Variants in B3GALT5 observed in about 807,000 individuals in gnomAD.
B3GALT5 encodes the protein beta-1,3-galactosyltransferase 5, also known as UDP-Gal:betaGlcNAc beta 1,3-galactosyltransferase, polypeptide 5.
For synonymous variants in B3GALT5, 156 were observed against 158.6 expected, an observed-to-expected ratio of 0.98 and a Z score of 0.12; for missense variants, 328 against 396.6, an observed-to-expected ratio of 0.83 and a Z score of 1.47.
At chr21:39,621,667 A>G (rs1054745261) in intron 1 of B3GALT5, among the ~76,000 whole-genome samples, 7 of 152,084 alleles carry the variant, frequency 4.6e-5, no homozygotes, top group Admixed American at 2.6e-4. Flanking sequence ...TTGCTGGAAA[A>G]TTATTTCAAA....
intron 1 of B3GALT5, among the ~76,000 whole-genome samples, chr21:39,639,399 T>C (rs1452340036): frequency 0.049 from 3,164 of 64,358 alleles, 74 homozygotes; most frequent in Admixed American, 0.069. Context: ...TCCTTCTTTC[T>C]TTTTCTTTCT....
At chr21:39,639,753 C>G (rs2079275269) in intron 1 of B3GALT5, among the ~76,000 whole-genome samples, 1 of 151,980 alleles carries the variant, frequency 6.6e-6, no homozygotes, top group Non-Finnish European at 1.5e-5. Context: ...GCTGGGATTA[C>G]AGGGGTGAAC....
intron 1 of B3GALT5, among the ~76,000 whole-genome samples, chr21:39,627,077 A>G (rs1267050998): frequency 6.6e-6 from 1 of 152,150 alleles, no homozygotes; most frequent in Non-Finnish European, 1.5e-5. Flanking sequence ...GCCAACTGCC[A>G]TGATCACCTT....
At chr21:39,643,342 T>C (rs926344276) in intron 1 of B3GALT5, among the ~76,000 whole-genome samples, 3 of 144,532 alleles carry the variant, frequency 2.1e-5, no homozygotes, top group Admixed American at 7.0e-5. Context: ...CACTTGGACC[T>C]GGGAGGTGGA....
intron 1 of B3GALT5, among the ~76,000 whole-genome samples, chr21:39,634,337 C>G (rs2079211759): frequency 6.6e-6 from 1 of 152,134 alleles, no homozygotes; most frequent in Non-Finnish European, 1.5e-5. Context: ...GCCCACTTGT[C>G]AGAACTGCTC....
At chr21:39,644,422 C>A (rs1371999734) in intron 1 of B3GALT5, among the ~76,000 whole-genome samples, 1 of 152,090 alleles carries the variant, frequency 6.6e-6, no homozygotes, top group Non-Finnish European at 1.5e-5. Context: ...ATTTAGGAAC[C>A]CAAATGGGAG....
chr21:39,616,564 G>T (rs566649448), intron 1 of B3GALT5, among the ~76,000 whole-genome samples: 32 of 151,892 alleles, frequency 2.1e-4, no homozygotes, highest in African/African-American at 7.7e-4. Flanking sequence ...ATGCATATTT[G>T]CTCTGCCATT....
intron 1 of B3GALT5, among the ~76,000 whole-genome samples, chr21:39,643,288 C>T (rs1164325683): frequency 6.8e-6 from 1 of 146,328 alleles, no homozygotes; most frequent in African/African-American, 2.5e-5. Flanking sequence ...CACAGTGGCT[C>T]ACGCCTGTAA....
intron 2 of B3GALT5, among the ~76,000 whole-genome samples, chr21:39,655,084 T>A (rs2079429635): frequency 6.6e-6 from 1 of 152,212 alleles, no homozygotes; most frequent in Non-Finnish European, 1.5e-5. Flanking sequence ...TCCCAAGATC[T>A]GCAGTCAGCA....
intron 1 of B3GALT5, among the ~76,000 whole-genome samples, chr21:39,631,016 C>T (rs141594817): frequency 1.7e-3 from 253 of 152,322 alleles, no homozygotes; most frequent in Admixed American, 4.2e-3. Context: ...TCTTGGGGCA[C>T]AGTGCCATCT....
chr21:39,639,460 CTTTCTCTCTCTCTCTCT>C (rs2079271179), intron 1 of B3GALT5, among the ~76,000 whole-genome samples: 1 of 109,450 alleles, frequency 9.1e-6, no homozygotes, highest in African/African-American at 3.8e-5. Flanking sequence ...TTCTTTTTTT[CTTTCTCTCTCTCTCTCT>C]CTTTCTTTCT....
chr21:39,643,190 G>A (rs1023066188), intron 1 of B3GALT5, among the ~76,000 whole-genome samples: 1 of 152,158 alleles, frequency 6.6e-6, no homozygotes, highest in Admixed American at 6.5e-5. Flanking sequence ...GGGCCTTGTG[G>A]AGATGCTGAC....
chr21:39,634,104 A>G (rs555019311), intron 1 of B3GALT5, among the ~76,000 whole-genome samples: 1 of 152,250 alleles, frequency 6.6e-6, no homozygotes, highest in Non-Finnish European at 1.5e-5. Context: ...ACCATTCCCC[A>G]TGCCTTCTAA....
rs79140251 is a variant in B3GALT5, at chr21:39,628,706, C to T, written c.-392+15639C>T. Reference sequence around the variant, plus strand: ...ATGAAATCACAAATGTCGTCCTGTACAGGGGACCTAATGGGACCATGTCGA... The same window carrying T: ...ATGAAATCACAAATGTCGTCCTGTATAGGGGACCTAATGGGACCATGTCGA... On this transcript the variant is annotated intron_variant, in intron 1 of 3. Transcript: ENST00000684187. Among the ~76,000 whole-genome samples, 14 of 152,316 alleles carry T rather than the reference C, an allele frequency of 9.2e-5. No individual in the cohort carries two copies. In the East Asian group the frequency reaches 2.5e-3, roughly 27 times the overall value.
intron 3 of B3GALT5, 22 bp from the exon 4 acceptor site, chr21:39,660,538 C>T (rs899467246): frequency 2.0e-5 from 28 of 1,409,710 alleles, no homozygotes; most frequent in Non-Finnish European, 2.4e-5. Context: ...GAGGTCTAAT[C>T]ATTGGATTTT....
chr21:39,651,989 A>T (rs1224190730), intron 2 of B3GALT5, among the ~76,000 whole-genome samples: 1 of 152,176 alleles, frequency 6.6e-6, no homozygotes, highest in Non-Finnish European at 1.5e-5. Flanking sequence ...AGGACCCATG[A>T]TGTAAGGATG....
In B3GALT5 at chr21:39,628,920, C is replaced by A. The variant is rs577919480; in HGVS notation, c.-392+15853C>A. On this transcript the variant is annotated intron_variant, in intron 1 of 3. Transcript: ENST00000684187. ...AGAAAATCAAGTCTTAAGAGGTTAA[C>A]TGTGCCCAGAGTCTTGTAACTAAAA... is the stretch of plus-strand genomic sequence containing the variant. Among the ~76,000 whole-genome samples, 8 of 152,350 alleles carry A rather than the reference C, an allele frequency of 5.3e-5. No homozygotes were observed. In the South Asian group the frequency reaches 1.0e-3, roughly 20 times the overall value.
rs73904082 is a variant in B3GALT5, at chr21:39,628,374, G to A, written c.-392+15307G>A. Among the ~76,000 whole-genome samples, 236 of 152,268 alleles carry A rather than the reference G, an allele frequency of 1.5e-3. 1 individual carries two copies. Among genetic ancestry groups the A allele is most frequent in the Middle Eastern group, 6.8e-3 (2 of 294 alleles). On this transcript the variant is annotated intron_variant, in intron 1 of 3. Transcript: ENST00000684187. ...ATCCATCACCCGAGTAACGTGTATTGTACCCGTTAAGTAATTTCTCATCCA... is the reference window on the plus strand; with the variant it reads ...ATCCATCACCCGAGTAACGTGTATTATACCCGTTAAGTAATTTCTCATCCA...
rs2079551310 is a variant in B3GALT5, at chr21:39,663,710, C to G, written c.*2218C>G. On this transcript the variant is annotated 3_prime_UTR_variant, in exon 4 of 4. Coordinates refer to ENST00000684187, the MANE Select transcript of B3GALT5 (RefSeq NM_001356336.2). The stretch of plus-strand genomic sequence containing the variant: ...ACTTGAAGGAACCTTAGAGCTCATT[C>G]AATCCTGCCTCCTCTTTTATGTGGG... 2 of 152,186 alleles carry G rather than the reference C, an allele frequency of 1.3e-5. No individual in the cohort carries two copies. Among genetic ancestry groups the G allele is most frequent in the Admixed American group, 1.3e-4 (2 of 15,282 alleles). 9.4% of individuals were successfully genotyped at this position (152,186 alleles called of 1,614,324 possible).
Sources: gnomAD v4.1 joint callset for allele counts (sites outside exome capture counted in the v4.1 genomes callset) on GRCh38, gnomAD v4.1.1 for gene constraint, MANE v1.5 for transcripts, NCBI Gene and HGNC (gene_info 2026-07-23, HGNC 2026-07-21) for gene names.